The following BICD1 variants were observed in gnomAD, a reference collection of about 807,000 sequenced individuals.
BICD1 encodes the protein BICD cargo adaptor 1, also known as protein bicaudal D homolog 1.
In BICD1, 35 loss-of-function variants were observed where a neutral mutation model predicts 92.5. The ratio of observed to expected loss-of-function variants is 0.38; its 90% CI spans 0.29 to 0.50. The LOEUF is 0.50. Among genes scored for constraint, BICD1 ranks in the 20% least tolerant of loss-of-function variants. The pLI, the probability that BICD1 is intolerant of heterozygous loss-of-function variation, is 0.93. For missense variants in BICD1, 950 were observed against 1,189.8 expected (o/e 0.80, Z 2.97); for synonymous variants, 429 against 465.1 (o/e 0.92, Z 1.00).
At chr12:32,235,562 T>C (rs1946041320) in intron 2 of BICD1, among the ~76,000 whole-genome samples, 1 of 152,160 alleles carries the variant, frequency 6.6e-6, no homozygotes, top group African/African-American at 2.4e-5. Flanking sequence ...TTGTGGGTTT[T>C]TTTTTTTACA....
At chr12:32,249,788 T>C (rs1353276643) in intron 2 of BICD1, among the ~76,000 whole-genome samples, 1 of 151,986 alleles carries the variant, frequency 6.6e-6, no homozygotes, top group African/African-American at 2.4e-5. Flanking sequence ...TGTACAAGTG[T>C]CTTCCAATGT....
At chr12:32,135,381 C>T (rs1346824011) in intron 1 of BICD1, among the ~76,000 whole-genome samples, 20 of 132,120 alleles carry the variant, frequency 1.5e-4, no homozygotes, top group Non-Finnish European at 2.2e-4. Flanking sequence ...AGCCACCATG[C>T]GTGGCTTTTT....
At chr12:32,358,374 T>A (rs1225677523) in intron 8 of BICD1, among the ~76,000 whole-genome samples, 1 of 151,566 alleles carries the variant, frequency 6.6e-6, no homozygotes. Flanking sequence ...GTGCTGGGAT[T>A]ACAGGCATGA....
At chr12:32,225,231 T>C (rs1019558428) in intron 2 of BICD1, among the ~76,000 whole-genome samples, 1 of 152,214 alleles carries the variant, frequency 6.6e-6, no homozygotes, top group African/African-American at 2.4e-5. Context: ...CCTTTTGAGA[T>C]TGGGTCCTTC....
At chr12:32,363,362 C>T (rs892007531) in intron 8 of BICD1, among the ~76,000 whole-genome samples, 6 of 152,088 alleles carry the variant, frequency 3.9e-5, no homozygotes, top group Non-Finnish European at 8.8e-5. Context: ...ACAGCCTGAG[C>T]GACATAGCAA....
At chr12:32,365,384 C>G (rs1179436540) in intron 8 of BICD1, among the ~76,000 whole-genome samples, 1 of 152,166 alleles carries the variant, frequency 6.6e-6, no homozygotes, top group Non-Finnish European at 1.5e-5. Context: ...TTCTGATCAC[C>G]TGCTGTCTGA....
intron 1 of BICD1, among the ~76,000 whole-genome samples, chr12:32,202,033 C>A (rs536442496): frequency 6.6e-6 from 1 of 152,290 alleles, no homozygotes; most frequent in African/African-American, 2.4e-5. Flanking sequence ...TGTGAACCAG[C>A]AGAAATAACA....
chr12:32,199,092 C>T (rs1391249840), intron 1 of BICD1, among the ~76,000 whole-genome samples: 4 of 152,112 alleles, frequency 2.6e-5, no homozygotes, highest in South Asian at 2.1e-4. Flanking sequence ...TGCAGAGAGG[C>T]ATAAATACGA....
In BICD1 at chr12:32,351,129, G is replaced by A. The variant is rs11051951; in HGVS notation, c.2764+12150G>A. ...TGAATTAGTCAGTGATGGTTCTCAG[G>A]ACTAGATTAGATTGTTACTCTTAAA... On this transcript the variant is annotated intron_variant, in intron 8 of 9. Coordinates refer to ENST00000652176, the MANE Select transcript of BICD1 (RefSeq NM_001714.4). Among the ~76,000 whole-genome samples, 3,545 of 148,782 alleles carry A rather than the reference G, an allele frequency of 0.024. 256 individuals are homozygous for A. In the East Asian group the frequency reaches 0.28, roughly 12 times the overall value.
Position 32,226,711 on chromosome 12 carries a change from C to G in BICD1, c.426+10252C>G, listed in dbSNP as rs564476842. On this transcript the variant is annotated intron_variant, in intron 2 of 9. Transcript: ENST00000652176. ...AGTGGCCCTCAAATCCATGATGGGA[C>G]AGACATGCATTCTCCTGTCCCAGTT... Among the ~76,000 whole-genome samples the G allele has an allele frequency of 5.9e-5, 9 of 152,290 alleles. No individual in the cohort carries two copies. In the East Asian group the frequency reaches 1.7e-3, roughly 29 times the overall value.
At chr12:32,358,621 C>A (rs1192461767) in intron 8 of BICD1, among the ~76,000 whole-genome samples, 1 of 151,862 alleles carries the variant, frequency 6.6e-6, no homozygotes, top group Non-Finnish European at 1.5e-5. Flanking sequence ...CCTGTAGTCC[C>A]AGCTACTTAG....
intron 2 of BICD1, among the ~76,000 whole-genome samples, chr12:32,242,116 G>GAA (rs1946253045): frequency 6.7e-6 from 1 of 148,522 alleles, no homozygotes; most frequent in African/African-American, 2.5e-5. Flanking sequence ...TCGGGAGGCT[G>GAA]AAGTGGGATG....
intron 1 of BICD1, among the ~76,000 whole-genome samples, chr12:32,140,610 G>T (rs867903750): frequency 1.6e-4 from 25 of 152,114 alleles, no homozygotes; most frequent in African/African-American, 5.6e-4. Flanking sequence ...CTCCCGAGTA[G>T]CCTCCATTGA....
chr12:32,313,960 G>A lies in BICD1; in HGVS notation c.1005+7838G>A, dbSNP rs1447626221. On this transcript the variant is annotated intron_variant, in intron 4 of 9. Transcript: ENST00000652176. This position sits in a 1 kb window ranked among gnomAD's most constrained non-coding sequence, Gnocchi z 4.2. ...GACCATGCCACTGCACTCCAGCCTA[G>A]GTGAAAGAGCGTGACCCTATCAATA... Among the ~76,000 whole-genome samples, 1 of 152,156 alleles carries A rather than the reference G, an allele frequency of 6.6e-6. No homozygotes were observed. Among genetic ancestry groups the A allele is most frequent in the African/African-American group, 2.4e-5 (1 of 41,442 alleles).
intron 1 of BICD1, among the ~76,000 whole-genome samples, chr12:32,121,005 A>G (rs1000532801): frequency 1.1e-4 from 14 of 129,460 alleles, no homozygotes; most frequent in Admixed American, 1.0e-3. Context: ...GTCTCGCGCT[A>G]TTGCCCAGGC....
chr12:32,177,057 G>C (rs1944111097), intron 1 of BICD1, among the ~76,000 whole-genome samples: 1 of 151,834 alleles, frequency 6.6e-6, no homozygotes, highest in African/African-American at 2.4e-5. Flanking sequence ...GCTCACGCCT[G>C]TAATCCCAGC....
At chr12:32,107,593 C>T in intron 1 of BICD1, 49 bp downstream of exon 1, 1 of 1,520,488 alleles carries the variant, frequency 6.6e-7, no homozygotes, top group Non-Finnish European at 8.9e-7. Flanking sequence ...TCCCCCCACC[C>T]GCAAGGCCCA....
chr12:32,230,879 A>ATGG (rs72312210), intron 2 of BICD1, among the ~76,000 whole-genome samples: 5 of 16,662 alleles, frequency 3.0e-4, no homozygotes, highest in African/African-American at 2.5e-3. Context: ...TGAAATTATC[A>ATGG]TGACTGCTGT....
chr12:32,179,550 G>A lies in BICD1; in HGVS notation c.214-36697G>A, dbSNP rs187427577. Among the ~76,000 whole-genome samples the A allele has an allele frequency of 2.4e-4, 36 of 152,042 alleles. No individual in the cohort carries two copies. In the East Asian group the frequency reaches 6.8e-3, roughly 29 times the overall value. ...AGTCTAATGATGTGATAATTGAATA[G>A]TAAAGGAATCTAAATCTCTACTTTC... On this transcript the variant is annotated intron_variant, in intron 1 of 9. Coordinates refer to ENST00000652176, the MANE Select transcript of BICD1 (RefSeq NM_001714.4).
Sources: gnomAD v4.1 joint callset for allele counts (sites outside exome capture counted in the v4.1 genomes callset) on GRCh38, gnomAD v4.1.1 for gene constraint, Gnocchi (gnomAD v3.1) non-coding constraint, MANE v1.5 for transcripts, NCBI Gene and HGNC (gene_info 2026-07-23, HGNC 2026-07-21) for gene names.